Variants in SATB2 observed in about 807,000 individuals in gnomAD.
The protein encoded by SATB2 is DNA-binding protein SATB2.
A neutral mutation model predicts 73.4 loss-of-function variants in SATB2; 1 was observed. The ratio of observed to expected loss-of-function variants is 0.01; its 90% CI spans 0.00 to 0.06. SATB2 has a LOEUF of 0.06. Among genes scored for constraint, SATB2 ranks in the 10% least tolerant of loss-of-function variants. The probability of loss-of-function intolerance (pLI) is 1.00; values close to 1 mark genes in which losing one functional copy is unlikely to be tolerated. For missense variants in SATB2, 459 were observed against 945.8 expected (o/e 0.49, Z 6.75); for synonymous variants, 397 against 367.0 (o/e 1.08, Z -0.93).
At chr2:199,467,550 A>T (rs1295690008), upstream of SATB2, 1 of 152,340 alleles carries the variant, frequency 6.6e-6, no homozygotes, top group East Asian at 1.9e-4. Context: ...AAGAGGGCTG[A>T]GGGCGGGGGA....
At chr2:199,470,250 C>T (rs1020010218) in intron 1 of SATB2, 3 of 152,274 alleles carry the variant, frequency 2.0e-5, no homozygotes, top group Admixed American at 2.0e-4. Flanking sequence ...CTCTTCCACA[C>T]ACAGGTCGCA....
At chr2:199,348,557 G>A (rs778523083) in intron 7 of SATB2, 144 bp downstream of exon 7, 24 of 723,434 alleles carry the variant, frequency 3.3e-5, no homozygotes, top group African/African-American at 8.8e-5. Context: ...TGGTAATAGC[G>A]TTTCATTAAC....
At position 199,272,006 on chromosome 2, in the gene SATB2, T is replaced by A; in HGVS notation, c.*205A>T. ...AAGGCGATGTCTGATTCGGAAATACTGAACTTATTCAGTCTATAGGTGTAT... is the reference window on the plus strand; with the variant it reads ...AAGGCGATGTCTGATTCGGAAATACAGAACTTATTCAGTCTATAGGTGTAT... On this transcript the variant is annotated 3_prime_UTR_variant, in exon 11 of 11. Transcript: ENST00000417098. The surrounding 1 kb of genome is among the most constrained non-coding windows in gnomAD (Gnocchi z 6.7). The A allele has an allele frequency of 1.6e-6, 1 of 613,230 alleles. No individual in the cohort carries two copies. 38.0% of individuals were successfully genotyped at this position (613,230 alleles called of 1,614,324 possible).
At chr2:199,447,742 C>A (rs1369118650) in intron 2 of SATB2, among the ~76,000 whole-genome samples, 2 of 36,960 alleles carry the variant, frequency 5.4e-5, no homozygotes, top group African/African-American at 4.3e-5. Context: ...GAATGAGAGC[C>A]AAATGGTCTC....
intron 7 of SATB2, chr2:199,329,416 A>G (rs1688124006): frequency 7.9e-6 from 1 of 126,700 alleles, no homozygotes; most frequent in South Asian, 2.7e-4. Flanking sequence ...TTCAATAGAG[A>G]TATTTCTTAT....
chr2:199,326,670 T>A (rs1380573296), intron 8 of SATB2, among the ~76,000 whole-genome samples: 2 of 152,136 alleles, frequency 1.3e-5, no homozygotes, highest in Admixed American at 1.3e-4. Flanking sequence ...TTAATGGGCT[T>A]CAAAAGTGGC....
intron 6 of SATB2, among the ~76,000 whole-genome samples, chr2:199,365,612 T>C (rs772579799): frequency 6.6e-6 from 1 of 152,156 alleles, no homozygotes; most frequent in African/African-American, 2.4e-5. Flanking sequence ...TAAGTGTAAA[T>C]AGTTTAGCTG....
intron 3 of SATB2, among the ~76,000 whole-genome samples, chr2:199,432,517 A>T (rs1468749759): frequency 1.3e-5 from 2 of 152,220 alleles, no homozygotes; most frequent in Admixed American, 6.5e-5. Flanking sequence ...CTAACATATA[A>T]ACTAAGATCT....
chr2:199,400,024 A>T (rs1690423822), intron 3 of SATB2, among the ~76,000 whole-genome samples: 1 of 152,230 alleles, frequency 6.6e-6, no homozygotes, highest in Non-Finnish European at 1.5e-5. Context: ...TCCAAAACTC[A>T]TATTATCTTC....
chr2:199,285,447 AT>A (rs1692656260), intron 10 of SATB2, among the ~76,000 whole-genome samples: 1 of 152,280 alleles, frequency 6.6e-6, no homozygotes, highest in African/African-American at 2.4e-5. Flanking sequence ...ACTTCAAATG[AT>A]GTTACTTAAG....
intron 5 of SATB2, among the ~76,000 whole-genome samples, chr2:199,369,989 AT>A (rs578082078): frequency 2.3e-4 from 35 of 152,294 alleles, no homozygotes; most frequent in Admixed American, 5.2e-4. Context: ...AACTCTTTTC[AT>A]CCCAAGGTCT....
At chr2:199,279,415 CT>C in intron 10 of SATB2, among the ~76,000 whole-genome samples, 1 of 152,218 alleles carries the variant, frequency 6.6e-6, no homozygotes, top group East Asian at 1.9e-4. Flanking sequence ...TGCTTTTTGC[CT>C]GTAGGGAAGG....
At chr2:199,290,736 C>T (rs1222205143) in intron 10 of SATB2, among the ~76,000 whole-genome samples, 2 of 152,100 alleles carry the variant, frequency 1.3e-5, no homozygotes, top group Admixed American at 6.5e-5. Context: ...TATTCCTATT[C>T]TCAGGGATAA....
At chr2:199,371,439 T>TCTAA (rs1689443887) in intron 5 of SATB2, among the ~76,000 whole-genome samples, 1 of 152,092 alleles carries the variant, frequency 6.6e-6, no homozygotes, top group African/African-American at 2.4e-5. Flanking sequence ...CTAAAGGTCC[T>TCTAA]GGGACACCGA....
intron 10 of SATB2, among the ~76,000 whole-genome samples, chr2:199,300,090 A>G (rs1348673186): frequency 3.3e-5 from 5 of 152,066 alleles, no homozygotes; most frequent in Non-Finnish European, 5.9e-5. Flanking sequence ...TTGCCCTTTC[A>G]CAAAATGTAC....
chr2:199,356,780 A>G (rs1430028720), intron 6 of SATB2, among the ~76,000 whole-genome samples: 1 of 152,152 alleles, frequency 6.6e-6, no homozygotes, highest in Admixed American at 6.5e-5. Flanking sequence ...TATTTATTAT[A>G]AGAATTTTCA....
intron 10 of SATB2, among the ~76,000 whole-genome samples, chr2:199,281,882 CTTTT>C (rs10718338): frequency 8.9e-5 from 11 of 124,058 alleles, no homozygotes; most frequent in Non-Finnish European, 8.8e-5. Flanking sequence ...TATTCTCTCT[CTTTT>C]TTTTTTTTTT....
intron 9 of SATB2, among the ~76,000 whole-genome samples, chr2:199,322,206 T>G (rs1262939783): frequency 2.0e-5 from 3 of 152,244 alleles, no homozygotes; most frequent in Non-Finnish European, 4.4e-5. Flanking sequence ...AAAGAAGGAC[T>G]GTGTGAAACT....
chr2:199,458,806 C>T (rs1338801895), upstream of SATB2: 1 of 337,634 alleles, frequency 3.0e-6, no homozygotes. Context: ...AGCAACTTTT[C>T]CCGGTGCCTG....
Sources: allele counts gnomAD v4.1 joint callset (sites outside exome capture counted in the v4.1 genomes callset), GRCh38; gene constraint gnomAD v4.1.1; non-coding constraint Gnocchi (gnomAD v3.1); transcripts MANE v1.5; gene names NCBI Gene and HGNC (gene_info 2026-07-23, HGNC 2026-07-21).